The following CARD14 variants were observed in gnomAD, a reference collection of about 807,000 sequenced individuals.
The protein encoded by CARD14 is caspase recruitment domain-containing protein 14.
A neutral mutation model predicts 111.5 loss-of-function variants in CARD14; 107 were observed. The ratio of observed to expected loss-of-function variants is 0.96; its 90% confidence interval spans 0.82 to 1.13. CARD14 has a LOEUF of 1.13. Ranked by LOEUF, CARD14 falls within the 50% of genes most tolerant of loss-of-function variation. CARD14 has a pLI of 0.00. For missense variants in CARD14, 1,322 were observed against 1,362.3 expected (o/e 0.97, Z 0.47); for synonymous variants, 617 against 579.6 (o/e 1.06, Z -0.93).
intron 2 of CARD14, among the ~76,000 whole-genome samples, chr17:80,174,405 G>T (rs1229183703): frequency 6.6e-6 from 1 of 152,020 alleles, no homozygotes; most frequent in Non-Finnish European, 1.5e-5. Context: ...TAGAGACAGG[G>T]TTTTGCCATG....
chr17:80,175,211 C>T (rs1177166993), intron 2 of CARD14, among the ~76,000 whole-genome samples: 1 of 152,060 alleles, frequency 6.6e-6, no homozygotes, highest in Non-Finnish European at 1.5e-5. Flanking sequence ...CTCCTGGGCT[C>T]AAGCGATCTG....
chr17:80,188,197 C>A lies in CARD14; in HGVS notation c.676-180C>A. ...CTGAAAGGCCTCTGTCCTCCCAGCC[C>A]CAGTTGAATATTTGGGACTATTCAT... On this transcript the variant is annotated intron_variant, in intron 7 of 23. Transcript: ENST00000648509. This position sits in a 1 kb window ranked among gnomAD's most constrained non-coding sequence, Gnocchi z 4.5. 1.6e-6 allele frequency: 1 copy of A among 619,836 alleles called. No homozygotes were observed. 38.4% of individuals were successfully genotyped at this position (619,836 alleles called of 1,614,324 possible).
Position 80,188,329 on chromosome 17 carries a change from G to A in CARD14, c.676-48G>A, listed in dbSNP as rs1214469150. On this transcript the variant is annotated intron_variant, in intron 7 of 23. Transcript: ENST00000648509. This position sits in a 1 kb window ranked among gnomAD's most constrained non-coding sequence, Gnocchi z 4.5. ...AGAAATGCCCCCAGCTCCTGATCAG[G>A]GGAGAAGCTGTTTCCATCGCCCTTC... 3 of 1,579,418 alleles carry A rather than the reference G, an allele frequency of 1.9e-6. No individual in the cohort carries two copies.
chr17:80,196,054 A>G (rs921075533), intron 14 of CARD14: 2 of 170,438 alleles, frequency 1.2e-5, no homozygotes, highest in African/African-American at 4.8e-5. Context: ...TGCGGGGAGC[A>G]TCTCTCCTCT....
rs1172517582 is a variant in CARD14 at position 80,203,382 on chromosome 17, A to G, written c.2220-440A>G. Reference sequence around the variant, plus strand: ...AGAAAGCAGGAGTGTTGAGCTCAGCACCCCCATCACTCATTGCAAACTCAA... The same window carrying G: ...AGAAAGCAGGAGTGTTGAGCTCAGCGCCCCCATCACTCATTGCAAACTCAA... On this transcript the variant is annotated intron_variant, in intron 18 of 23. Coordinates refer to ENST00000648509, the MANE Select transcript of CARD14 (RefSeq NM_001366385.1). The surrounding 1 kb of genome is among the most constrained non-coding windows in gnomAD (Gnocchi z 4.6). 2 of 168,516 alleles carry G rather than the reference A, an allele frequency of 1.2e-5. No homozygotes were observed. The highest frequency in any genetic ancestry group is 4.8e-5 in the African/African-American group (2 of 41,892). 10.4% of individuals were successfully genotyped at this position (168,516 alleles called of 1,614,324 possible).
intron 12 of CARD14, among the ~76,000 whole-genome samples, chr17:80,194,829 T>C (rs1020602224): frequency 7.9e-5 from 12 of 152,022 alleles, no homozygotes; most frequent in Non-Finnish European, 1.8e-4. Context: ...ACCTTTGACA[T>C]GTGGGGATTA....
At position 80,209,112 on chromosome 17, in the gene CARD14, G is replaced by T; in HGVS notation, c.*767G>T. ...GGCTTTGCACCCCAGCCCTTCTTGG[G>T]CCAAACATCTTTACTCCACCTTCAG... is the stretch of plus-strand genomic sequence containing the variant. On this transcript the variant is annotated 3_prime_UTR_variant, in exon 24 of 24. Transcript: ENST00000648509. 1 of 172,900 alleles carries T rather than the reference G, an allele frequency of 5.8e-6. No individual in the cohort carries two copies. The highest frequency in any genetic ancestry group is 1.2e-5 in the Non-Finnish European group (1 of 86,894). The allele number at this position is 172,900 out of a possible 1,614,324, so 10.7% of individuals were successfully genotyped here.
Position 80,189,853 on chromosome 17 carries a change from C to A in CARD14, c.944C>A (p.Ala315Asp). 6.3e-7 allele frequency: 1 copy of A among 1,592,788 alleles called. No individual in the cohort carries two copies. The highest frequency in any genetic ancestry group is 8.5e-7 in the Non-Finnish European group (1 of 1,172,200). ...IHSLRERAVA[A>D]ERQREQYWEE... The stretch of plus-strand genomic sequence containing the variant: ...TCGCTGCGGGAGCGGGCCGTGGCTG[C>A]CGAGAGGCAGCGAGAGCAGGTGCCG... Residue 315 changes from alanine to aspartate, a missense_variant, in exon 9 of 24, where the codon GCC becomes GAC. Transcript: ENST00000648509. The surrounding 1 kb of genome is among the most constrained non-coding windows in gnomAD (Gnocchi z 4.7).
rs371686462 is a variant in CARD14 at position 80,198,600 on chromosome 17, T to C, written c.1851+9T>C. The C allele has an allele frequency of 6.2e-6, 10 of 1,611,460 alleles. No homozygotes were observed. The highest frequency in any genetic ancestry group is 7.6e-6 in the Non-Finnish European group (9 of 1,179,422). On this transcript the variant is annotated intron_variant, in intron 16 of 23. Transcript: ENST00000648509. This position sits in a 1 kb window ranked among gnomAD's most constrained non-coding sequence, Gnocchi z 7.5. ...GCACCCAGATTGTGATGGTGAGCCG[T>C]GCGAGGCCCCTCCTGTCCCCCGGGC...
At chr17:80,175,949 ATCGTTTTTTTTTTTTTTTTTTTT>A (rs1470472557) in intron 2 of CARD14, among the ~76,000 whole-genome samples, 1 of 90,084 alleles carries the variant, frequency 1.1e-5, no homozygotes, top group African/African-American at 4.5e-5. Context: ...CTGCTCTCGG[ATCGTTTTTTTTTTTTTTTTTTTT>A]TTTTTTTTTT....
rs2041481221 is a variant in CARD14 at position 80,208,525 on chromosome 17, C to T, written c.*180C>T. ...ACGTGCAGGTCACACACAGTGAAGC[C>T]ACTTGTAACTGCACACTTTTCTGTG... On this transcript the variant is annotated 3_prime_UTR_variant, in exon 24 of 24. Coordinates refer to ENST00000648509, the MANE Select transcript of CARD14 (RefSeq NM_001366385.1). 2 of 541,176 alleles carry T rather than the reference C, an allele frequency of 3.7e-6. No homozygotes were observed. Among genetic ancestry groups the T allele is most frequent in the South Asian group, 2.9e-5 (1 of 34,560 alleles). 33.5% of individuals were successfully genotyped at this position (541,176 alleles called of 1,614,324 possible).
Position 80,209,131 on chromosome 17 carries a change from C to T in CARD14, c.*786C>T, listed in dbSNP as rs1275152741. The T allele has an allele frequency of 5.2e-6, 1 of 193,638 alleles. No homozygotes were observed. The highest frequency in any genetic ancestry group is 9.4e-6 in the Non-Finnish European group (1 of 106,080). The allele number at this position is 193,638 out of a possible 1,614,324, so 12.0% of individuals were successfully genotyped here. A position where few individuals can be genotyped will look rare whatever the true frequency, so the allele number is the denominator to read the frequency against. Reference sequence around the variant, plus strand: ...TCTTGGGCCAAACATCTTTACTCCACCTTCAGGGCTCGGGGAGGACCCAGG... The same window carrying T: ...TCTTGGGCCAAACATCTTTACTCCATCTTCAGGGCTCGGGGAGGACCCAGG... On this transcript the variant is annotated 3_prime_UTR_variant, in exon 24 of 24. Coordinates refer to ENST00000648509, the MANE Select transcript of CARD14 (RefSeq NM_001366385.1).
chr17:80,190,838 A>T lies in CARD14; in HGVS notation c.1028A>T (p.Tyr343Phe), dbSNP rs777090126. 10 of 1,613,966 alleles carry T rather than the reference A, an allele frequency of 6.2e-6. No individual in the cohort carries two copies. In the East Asian group the frequency reaches 2.2e-4, roughly 36 times the overall value. ...AAGAGTAAGATGGCCTGCCAACTCT[A>T]CAGGGAGAAGGTGAATGCGCTGCAG... Reference protein sequence around the residue: ...FQKSKMACQLYREKVNALQAQ... With the variant: ...FQKSKMACQLFREKVNALQAQ... Residue 343 changes from tyrosine to phenylalanine, a missense_variant, in exon 10 of 24, where the codon TAC becomes TTC. Coordinates refer to ENST00000648509, the MANE Select transcript of CARD14 (RefSeq NM_001366385.1).
chr17:80,187,564 T>C (rs542840915), intron 7 of CARD14, among the ~76,000 whole-genome samples: 1 of 152,356 alleles, frequency 6.6e-6, no homozygotes, highest in South Asian at 2.1e-4. Flanking sequence ...GCTGGACCAT[T>C]GCAGGAGCTG....
chr17:80,192,258 A>G, intron 11 of CARD14: 2 of 413,032 alleles, frequency 4.8e-6, no homozygotes, highest in Non-Finnish European at 8.7e-6. Flanking sequence ...CTAGTAAATC[A>G]CACATATTCT....
rs1042724807 is a variant in CARD14 at position 80,184,178 on chromosome 17, T to C, written c.615T>C (p.Tyr205=). The part of the protein sequence containing the change: ...KDEMLSLSLH[Y]SNALQEKELA... ...AGATGCTCAGCCTCTCGCTGCACTATAGCAATGCGCTGCAGGAGAAGGAGC... is the reference window on the plus strand; with the variant it reads ...AGATGCTCAGCCTCTCGCTGCACTACAGCAATGCGCTGCAGGAGAAGGAGC... Residue 205 remains tyrosine, a synonymous_variant, in exon 7 of 24, where the codon TAT becomes TAC. Transcript: ENST00000648509. 2.7e-5 allele frequency: 42 copies of C among 1,561,898 alleles called. No homozygotes were observed. The highest frequency in any genetic ancestry group is 3.4e-5 in the Non-Finnish European group (39 of 1,153,392).
In CARD14 at chr17:80,203,684, A is replaced by G. The variant is rs1419531025; in HGVS notation, c.2220-138A>G. On this transcript the variant is annotated intron_variant, in intron 18 of 23. Transcript: ENST00000648509. This position sits in a 1 kb window ranked among gnomAD's most constrained non-coding sequence, Gnocchi z 4.6. ...AGGATGGAGCGCTCCAGCCTGCAGC[A>G]AAGGGATGTGTGGAGCTCTAGGTGG... 1.6e-6 allele frequency: 1 copy of G among 618,468 alleles called. No individual in the cohort carries two copies. Among genetic ancestry groups the G allele is most frequent in the African/African-American group, 1.9e-5 (1 of 52,766 alleles). 38.3% of individuals were successfully genotyped at this position (618,468 alleles called of 1,614,324 possible). A position where few individuals can be genotyped will look rare whatever the true frequency, so the allele number is the denominator to read the frequency against.
At chr17:80,175,552 G>A (rs1277378202) in intron 2 of CARD14, among the ~76,000 whole-genome samples, 2 of 152,066 alleles carry the variant, frequency 1.3e-5, no homozygotes, top group Non-Finnish European at 2.9e-5. Context: ...GACATTCCTA[G>A]GGGGTCACAG....
At chr17:80,207,987 G>A (rs2041433505) in intron 23 of CARD14, 151 bp from the exon 24 acceptor site, 1 of 532,000 alleles carries the variant, frequency 1.9e-6, no homozygotes, top group Non-Finnish European at 3.2e-6. Flanking sequence ...CCCACCACTG[G>A]GGCCTGGGGC....
Sources: gnomAD v4.1 joint callset for allele counts (sites outside exome capture counted in the v4.1 genomes callset) on GRCh38, gnomAD v4.1.1 for gene constraint, Gnocchi (gnomAD v3.1) non-coding constraint, MANE v1.5 for transcripts, NCBI Gene and HGNC (gene_info 2026-07-23, HGNC 2026-07-21) for gene names.